Variants in RPS6KA2 observed in about 807,000 individuals in gnomAD.
RPS6KA2 encodes ribosomal protein S6 kinase alpha-2.
In RPS6KA2, 42 loss-of-function variants were observed where a neutral mutation model predicts 91.8. The ratio of observed to expected loss-of-function variants is 0.46; its 90% CI spans 0.36 to 0.59. The LOEUF (loss-of-function observed/expected upper bound fraction) is 0.59. RPS6KA2 is among the 20% of genes least tolerant of loss of function. The pLI is 0.00. For synonymous variants in RPS6KA2, 414 were observed against 393.6 expected (o/e 1.05, Z -0.61); for missense variants, 798 against 978.5 (o/e 0.82, Z 2.46).
rs545535652 is a variant in RPS6KA2 at position 166,533,379 on chromosome 6, G to A, written c.217-2066C>T. The stretch of plus-strand genomic sequence containing the variant: ...AGGAGCTGGGCAAGGCTGCGTGAGC[G>A]TCCCGGTGCCGGAGAGGCCGCACTG... On this transcript the variant is annotated intron_variant, in intron 2 of 20. Coordinates refer to ENST00000265678, the MANE Select transcript of RPS6KA2 (RefSeq NM_021135.6). The surrounding 1 kb of genome is among the most constrained non-coding windows in gnomAD (Gnocchi z 4.0). Among the ~76,000 whole-genome samples, 123 of 152,356 alleles carry A rather than the reference G, an allele frequency of 8.1e-4. 1 individual carries two copies. Among genetic ancestry groups the A allele is most frequent in the African/African-American group, 2.8e-3 (118 of 41,584 alleles).
At chr6:166,451,027 G>T in intron 13 of RPS6KA2, 76 bp downstream of exon 13, 1 of 1,576,886 alleles carries the variant, frequency 6.3e-7, no homozygotes, top group Non-Finnish European at 8.7e-7. Flanking sequence ...GGTGACTGAG[G>T]CCACAGGGAA....
chr6:166,456,271 C>G (rs116773032), intron 12 of RPS6KA2, among the ~76,000 whole-genome samples: 1 of 152,140 alleles, frequency 6.6e-6, no homozygotes, highest in Non-Finnish European at 1.5e-5. Context: ...GACATTTGGT[C>G]GGTGTGGCTA....
At chr6:166,529,530 C>T (rs1227346517) in intron 3 of RPS6KA2, among the ~76,000 whole-genome samples, 2 of 152,016 alleles carry the variant, frequency 1.3e-5, no homozygotes, top group Non-Finnish European at 2.9e-5. Context: ...TGTAACAAAC[C>T]TGCACGTTGT....
Position 166,437,960 on chromosome 6 carries a change from G to C in RPS6KA2, c.1333-5470C>G, listed in dbSNP as rs1402595953. 6.6e-6 allele frequency among the ~76,000 whole-genome samples: 1 copy of C among 152,210 alleles called. No individual in the cohort carries two copies. The highest frequency in any genetic ancestry group is 1.5e-5 in the Non-Finnish European group (1 of 68,044). The stretch of plus-strand genomic sequence containing the variant: ...CGTCTCCCGGGACACTCAGCAACCT[G>C]AGCAGATGGCTTTGAGGCAGTAACT... On this transcript the variant is annotated intron_variant, in intron 14 of 20. Coordinates refer to ENST00000265678, the MANE Select transcript of RPS6KA2 (RefSeq NM_021135.6). The surrounding 1 kb of genome is among the most constrained non-coding windows in gnomAD (Gnocchi z 4.3).
At chr6:166,645,834 T>A (rs1787586395) in intron 2 of RPS6KA2, among the ~76,000 whole-genome samples, 1 of 152,366 alleles carries the variant, frequency 6.6e-6, no homozygotes, top group Non-Finnish European at 1.5e-5. Flanking sequence ...GTGTCAACAT[T>A]TCAACTTAAC....
intron 7 of RPS6KA2, among the ~76,000 whole-genome samples, chr6:166,499,757 G>A (rs973277147): frequency 3.3e-5 from 5 of 152,206 alleles, no homozygotes; most frequent in Admixed American, 3.3e-4. Flanking sequence ...TTAGCAGTGT[G>A]AGAATAGGCT....
chr6:166,443,383 T>C (rs1779580555), intron 14 of RPS6KA2, among the ~76,000 whole-genome samples: 2 of 152,224 alleles, frequency 1.3e-5, no homozygotes, highest in Admixed American at 6.5e-5. Flanking sequence ...ACAGCGTCCC[T>C]AGTGGCACGG....
At chr6:166,454,431 G>A (rs1780023516) in intron 12 of RPS6KA2, among the ~76,000 whole-genome samples, 1 of 152,128 alleles carries the variant, frequency 6.6e-6, no homozygotes, top group Non-Finnish European at 1.5e-5. Flanking sequence ...CTGGGAGGTG[G>A]AGGTTGCAGT....
intron 2 of RPS6KA2, among the ~76,000 whole-genome samples, chr6:166,851,037 CATT>C (rs1333538711): frequency 1.3e-5 from 2 of 152,216 alleles, no homozygotes; most frequent in Non-Finnish European, 2.9e-5. Context: ...TTCCCTCACT[CATT>C]AGTTCTCTGC....
At chr6:166,583,240 T>C (rs733591) in intron 1 of RPS6KA2, among the ~76,000 whole-genome samples, 87,933 of 152,056 alleles carry the variant, frequency 0.58, 26,688 homozygotes, top group African/African-American at 0.76. Flanking sequence ...GAAAGCACAC[T>C]GCCTCATCCA....
rs775352536 is a variant in RPS6KA2, at chr6:166,495,631, C to G, written c.747+2877G>C. Among the ~76,000 whole-genome samples the G allele has an allele frequency of 6.6e-6, 1 of 152,194 alleles. No individual in the cohort carries two copies. The highest frequency in any genetic ancestry group is 2.4e-5 in the African/African-American group (1 of 41,436). ...CACTCCCTCATGGGTCCCTTGGAGGCCTGGCCAGGTGCAGGCACTTTTGTC... is the reference window on the plus strand; with the variant it reads ...CACTCCCTCATGGGTCCCTTGGAGGGCTGGCCAGGTGCAGGCACTTTTGTC... On this transcript the variant is annotated intron_variant, in intron 8 of 20. Transcript: ENST00000265678. This position sits in a 1 kb window ranked among gnomAD's most constrained non-coding sequence, Gnocchi z 4.4.
In RPS6KA2 at chr6:166,485,035, C is replaced by T. The variant is rs114595621; in HGVS notation, c.907+3798G>A. Among the ~76,000 whole-genome samples, 656 of 152,350 alleles carry T rather than the reference C, an allele frequency of 4.3e-3. 6 individuals are homozygous for T. The highest frequency in any genetic ancestry group is 0.015 in the African/African-American group (631 of 41,584). On this transcript the variant is annotated intron_variant, in intron 10 of 20. Coordinates refer to ENST00000265678, the MANE Select transcript of RPS6KA2 (RefSeq NM_021135.6). ...TGAGGCTCGAAGAACGACCTGTTCT[C>T]CTGGTTCATTAGAAATCCGCCCAGG...
At chr6:166,714,032 C>T (rs1429469939) in intron 2 of RPS6KA2, among the ~76,000 whole-genome samples, 1 of 152,192 alleles carries the variant, frequency 6.6e-6, no homozygotes, top group Non-Finnish European at 1.5e-5. Context: ...GCCAACAGCC[C>T]AGTTGGGTTA....
intron 2 of RPS6KA2, among the ~76,000 whole-genome samples, chr6:166,743,805 A>T (rs1452596757): frequency 6.6e-6 from 1 of 150,792 alleles, no homozygotes; most frequent in Non-Finnish European, 1.5e-5. Flanking sequence ...TGCACAGCAG[A>T]CAGGGCTTTG....
intron 2 of RPS6KA2, among the ~76,000 whole-genome samples, chr6:166,647,903 C>G (rs1787682904): frequency 6.6e-6 from 1 of 150,650 alleles, no homozygotes; most frequent in Admixed American, 6.6e-5. Context: ...CACACATGCT[C>G]ACACACATGC....
intron 2 of RPS6KA2, among the ~76,000 whole-genome samples, chr6:166,699,369 A>AT (rs899030989): frequency 5.3e-5 from 8 of 152,136 alleles, no homozygotes; most frequent in Admixed American, 3.9e-4. Flanking sequence ...GTAAAAGGGC[A>AT]TTTTTTTGGA....
intron 2 of RPS6KA2, among the ~76,000 whole-genome samples, chr6:166,787,954 C>CA (rs1333695735): frequency 1.8e-5 from 1 of 56,246 alleles, no homozygotes; most frequent in Non-Finnish European, 3.5e-5. Flanking sequence ...CCAGAATCTA[C>CA]AAAGAAGTTA....
intron 2 of RPS6KA2, chr6:166,757,557 G>C (rs887351410): frequency 2.2e-6 from 1 of 456,134 alleles, no homozygotes; most frequent in African/African-American, 2.0e-5. Flanking sequence ...GCAGCTTCTT[G>C]TGTGGCAGCC....
At position 166,458,347 on chromosome 6, in the gene RPS6KA2, G is replaced by A. The variant is rs28497800; in HGVS notation, c.1075+1102C>T. Among the ~76,000 whole-genome samples, 261 of 152,264 alleles carry A rather than the reference G, an allele frequency of 1.7e-3. 2 individuals are homozygous for A. The highest frequency in any genetic ancestry group is 5.4e-3 in the African/African-American group (226 of 41,522). ...GAGTTTTAAAAAGGGGAGTTTCCCT[G>A]CACAAGCTCTCTCTTTGTTGCCATC... On this transcript the variant is annotated intron_variant, in intron 12 of 20. Transcript: ENST00000265678.
Sources: allele counts gnomAD v4.1 joint callset (sites outside exome capture counted in the v4.1 genomes callset), GRCh38; gene constraint gnomAD v4.1.1; non-coding constraint Gnocchi (gnomAD v3.1); transcripts MANE v1.5; gene names NCBI Gene and HGNC (gene_info 2026-07-23, HGNC 2026-07-21).